The following GTF3C1 variants were observed in gnomAD, a reference collection of about 807,000 sequenced individuals.
GTF3C1 encodes general transcription factor 3C polypeptide 1.
GTF3C1 carries 57 observed loss-of-function variants against 226.7 expected under a neutral mutation model. The observed-to-expected ratio is 0.25, with a 90% CI of 0.20 to 0.31. The LOEUF (loss-of-function observed/expected upper bound fraction) is 0.31. GTF3C1 is among the 10% of genes least tolerant of loss of function. GTF3C1 has a pLI of 1.00. For synonymous variants in GTF3C1, 1,090 were observed against 1,084.8 expected (o/e 1.00, Z -0.09); for missense variants, 2,217 against 2,776.1 (o/e 0.80, Z 4.53).
At chr16:27,529,473 T>C (rs2088883029) in intron 5 of GTF3C1, among the ~76,000 whole-genome samples, 2 of 150,902 alleles carry the variant, frequency 1.3e-5, no homozygotes, top group South Asian at 2.1e-4. Flanking sequence ...AAAATTTAAA[T>C]GTGGTCTCTG....
intron 3 of GTF3C1, 64 bp downstream of exon 3, chr16:27,538,116 G>T: frequency 7.8e-7 from 1 of 1,282,554 alleles, no homozygotes; most frequent in Non-Finnish European, 1.1e-6. Context: ...GCAGGCCCCT[G>T]CATTTGGGAT....
chr16:27,488,565 A>G lies in GTF3C1; in HGVS notation c.3500T>C (p.Leu1167Pro). 6.2e-7 allele frequency: 1 copy of G among 1,613,776 alleles called. No homozygotes were observed. The highest frequency in any genetic ancestry group is 8.5e-7 in the Non-Finnish European group (1 of 1,179,666). Reference sequence around the variant, plus strand: ...CCCAGCACACGTACCTCTGGCACTGAGGGGCATTGGGCGCTTGGACAGAAA... The same window carrying G: ...CCCAGCACACGTACCTCTGGCACTGGGGGGCATTGGGCGCTTGGACAGAAA... The part of the protein sequence containing the change: ...QTFLSKRPMP[L>P]SARGNSRLNI... Residue 1167 changes from leucine to proline, a missense_variant, in exon 22 of 37, where the codon CTC (leucine) becomes CCC (proline). Transcript: ENST00000356183.
chr16:27,534,287 T>C (rs1005460929), intron 4 of GTF3C1, among the ~76,000 whole-genome samples: 4 of 152,180 alleles, frequency 2.6e-5, no homozygotes, highest in South Asian at 2.1e-4. Context: ...TTTAAAAACA[T>C]TGAGGGCCCT....
intron 6 of GTF3C1, among the ~76,000 whole-genome samples, chr16:27,513,918 A>C (rs1439340926): frequency 2.0e-5 from 3 of 152,178 alleles, no homozygotes; most frequent in Non-Finnish European, 4.4e-5. Context: ...CCAACAGCAC[A>C]GAAGACTGAG....
intron 16 of GTF3C1, 81 bp downstream of exon 16, chr16:27,494,682 C>T: frequency 9.9e-7 from 1 of 1,006,602 alleles, no homozygotes; most frequent in Non-Finnish European, 1.6e-6. Flanking sequence ...TTCAAGTATC[C>T]TCCCTTGCCC....
chr16:27,465,577 C>A, intron 32 of GTF3C1, 37 bp from the exon 33 acceptor site: 3 of 1,536,336 alleles, frequency 2.0e-6, no homozygotes, highest in Non-Finnish European at 2.6e-6. Flanking sequence ...GGCAGCCCGA[C>A]AGAGGCCCCC....
chr16:27,545,656 G>A lies in GTF3C1; in HGVS notation c.222-133C>T. The A allele has an allele frequency of 4.7e-6, 3 of 641,238 alleles. No homozygotes were observed. The East Asian group carries it at 8.1e-5, about 17-fold the overall frequency. 39.7% of individuals were successfully genotyped at this position (641,238 alleles called of 1,614,324 possible). A position where few individuals can be genotyped will look rare whatever the true frequency, so the allele number is the denominator to read the frequency against. On this transcript the variant is annotated intron_variant, in intron 1 of 36. Coordinates refer to ENST00000356183, the MANE Select transcript of GTF3C1 (RefSeq NM_001520.4). Reference sequence around the variant, plus strand: ...CAGTCAGTTTTCCTGCCTTATAAATGCAGATAATCTTGACAAGCAGGTTCC... The same window carrying A: ...CAGTCAGTTTTCCTGCCTTATAAATACAGATAATCTTGACAAGCAGGTTCC...
At chr16:27,515,765 G>A (rs183691800) in intron 6 of GTF3C1, among the ~76,000 whole-genome samples, 22 of 152,300 alleles carry the variant, frequency 1.4e-4, no homozygotes, top group Admixed American at 9.2e-4. Flanking sequence ...TCTGTCTCAC[G>A]GGGTTAATGT....
chr16:27,535,461 G>C (rs558072573), intron 4 of GTF3C1, among the ~76,000 whole-genome samples: 2 of 152,038 alleles, frequency 1.3e-5, no homozygotes, highest in Non-Finnish European at 2.9e-5. Context: ...TATAGTACCA[G>C]CTACTTGGGA....
chr16:27,482,223 G>A (rs369415155), intron 26 of GTF3C1, among the ~76,000 whole-genome samples: 3 of 152,234 alleles, frequency 2.0e-5, no homozygotes, highest in Admixed American at 2.0e-4. Flanking sequence ...GACTGGCATA[G>A]GATGGAAAGC....
Position 27,476,317 on chromosome 16 carries a change from A to G in GTF3C1, c.4353+134T>C, listed in dbSNP as rs1596618761. 3 of 596,974 alleles carry G rather than the reference A, an allele frequency of 5.0e-6. No individual in the cohort carries two copies. In the East Asian group the frequency reaches 8.3e-5, roughly 16 times the overall value. 37.0% of individuals were successfully genotyped at this position (596,974 alleles called of 1,614,324 possible). A position where few individuals can be genotyped will look rare whatever the true frequency, so the allele number is the denominator to read the frequency against. Reference sequence around the variant, plus strand: ...AACAACGATAAAAAAATAAAGTTGAAAGACATGTGGGCTGGCATTTTGGGG... The same window carrying G: ...AACAACGATAAAAAAATAAAGTTGAGAGACATGTGGGCTGGCATTTTGGGG... On this transcript the variant is annotated intron_variant, in intron 29 of 36. Transcript: ENST00000356183.
At position 27,463,730 on chromosome 16, in the gene GTF3C1, T is replaced by C. The variant is rs1366768249; in HGVS notation, c.5873-138A>G. 1.7e-5 allele frequency: 12 copies of C among 711,066 alleles called. No individual in the cohort carries two copies. Among genetic ancestry groups the C allele is most frequent in the Non-Finnish European group, 3.0e-5 (12 of 394,422 alleles). 44.0% of individuals were successfully genotyped at this position (711,066 alleles called of 1,614,324 possible). A position where few individuals can be genotyped will look rare whatever the true frequency, so the allele number is the denominator to read the frequency against. On this transcript the variant is annotated intron_variant, in intron 34 of 36. Coordinates refer to ENST00000356183, the MANE Select transcript of GTF3C1 (RefSeq NM_001520.4). This position sits in a 1 kb window ranked among gnomAD's most constrained non-coding sequence, Gnocchi z 4.9. ...ATGAAGTGTCAAAAAAAAAGGACAA[T>C]GAGCATCTCACAGAGCGGCCACCCT...
intron 26 of GTF3C1, chr16:27,482,666 C>T: frequency 2.2e-6 from 1 of 458,676 alleles, no homozygotes; most frequent in Non-Finnish European, 4.4e-6. Flanking sequence ...CAGCAGACAG[C>T]TTCCCTCCTT....
intron 20 of GTF3C1, 86 bp from the exon 21 acceptor site, chr16:27,489,264 T>C: frequency 6.9e-7 from 1 of 1,455,898 alleles, no homozygotes; most frequent in East Asian, 2.3e-5. Context: ...GGGACATTTA[T>C]TTATAACCAA....
chr16:27,516,395 C>T (rs746847008), intron 6 of GTF3C1, among the ~76,000 whole-genome samples: 1 of 152,204 alleles, frequency 6.6e-6, no homozygotes, highest in Non-Finnish European at 1.5e-5. Flanking sequence ...CTGGGCCCAG[C>T]GTGAGGCGGC....
At chr16:27,480,411 G>A (rs2088025587) in intron 27 of GTF3C1, among the ~76,000 whole-genome samples, 1 of 152,104 alleles carries the variant, frequency 6.6e-6, no homozygotes, top group African/African-American at 2.4e-5. Context: ...TGCTCTTTAG[G>A]CATGGCAATA....
intron 6 of GTF3C1, among the ~76,000 whole-genome samples, chr16:27,526,670 C>T (rs1164839175): frequency 6.6e-6 from 1 of 152,248 alleles, no homozygotes; most frequent in Admixed American, 6.5e-5. Context: ...ATTTGCCCAT[C>T]TACCTTTGAG....
rs1228356080 is a variant in GTF3C1, at chr16:27,470,216, A to G, written c.4706T>C (p.Val1569Ala). ...FSLDGPGGNC[V>A]AVLTLFSLGL... is the part of the protein sequence containing the mutation. Reference sequence around the variant, plus strand: ...CAGAGAGAAGAGGGTCAGGACGGCCACACAATTTCCTCCAGGGCCGTCCAG... The same window carrying G: ...CAGAGAGAAGAGGGTCAGGACGGCCGCACAATTTCCTCCAGGGCCGTCCAG... The change falls in exon 31 of 37, where the codon GTG becomes GCG. Residue 1569 changes from valine (V) to alanine (A), a missense_variant. By Grantham distance (64) the Val-to-Ala change is moderately conservative. Around this residue, in one of 12 missense-constraint regions of GTF3C1, gnomAD observed 546 missense variants for 663.0 expected, o/e 0.82. Transcript: ENST00000356183. The surrounding 1 kb of genome is among the most constrained non-coding windows in gnomAD (Gnocchi z 4.9). 6.2e-7 allele frequency: 1 copy of G among 1,613,248 alleles called. No individual in the cohort carries two copies. Among genetic ancestry groups the G allele is most frequent in the South Asian group, 1.1e-5 (1 of 91,052 alleles).
Position 27,462,518 on chromosome 16 carries a change from G to A in GTF3C1, c.5925-32C>T, listed in dbSNP as rs200563950. 47 of 1,566,640 alleles carry A rather than the reference G, an allele frequency of 3.0e-5. No individual in the cohort carries two copies. The highest frequency in any genetic ancestry group is 3.7e-5 in the Non-Finnish European group (42 of 1,138,996). On this transcript the variant is annotated intron_variant, in intron 35 of 36. Transcript: ENST00000356183. The surrounding 1 kb of genome is among the most constrained non-coding windows in gnomAD (Gnocchi z 4.5). ...GGAGAGGGCTTGACATCAGGGCTTG[G>A]TGGGGGCAGGAGGGCAGCTCGTCCA... is the stretch of plus-strand genomic sequence containing the variant.
Sources: gnomAD v4.1 joint callset for allele counts (sites outside exome capture counted in the v4.1 genomes callset) on GRCh38, gnomAD v4.1.1 for gene constraint, gnomAD v4.1.1 regional missense constraint, Gnocchi (gnomAD v3.1) non-coding constraint, MANE v1.5 for transcripts, NCBI Gene and HGNC (gene_info 2026-07-23, HGNC 2026-07-21) for gene names.